Variants in ENKD1 observed in about 807,000 individuals in gnomAD.
ENKD1 encodes enkurin domain-containing protein 1.
A neutral mutation model predicts 35.8 loss-of-function variants in ENKD1; 39 were observed. The ratio of observed to expected loss-of-function variants is 1.09; its 90% CI spans 0.84 to 1.42. ENKD1 has a LOEUF of 1.42. Ranked by LOEUF, ENKD1 falls within the 40% of genes most tolerant of loss-of-function variation. The pLI is 0.00. For missense variants in ENKD1, 474 were observed against 471.3 expected, an observed-to-expected ratio of 1.01 and a Z score of -0.05; for synonymous variants, 205 against 198.6, an observed-to-expected ratio of 1.03 and a Z score of -0.27.
Position 67,666,262 on chromosome 16 carries a change from T to C in ENKD1, c.89A>G (p.Gln30Arg). ...PDNYRRPTSA[Q>R]GRLEGNALKL... Reference sequence around the variant, plus strand: ...CAGCGCGTTTCCCTCGAGGCGCCCTTGAGCTGTGGGGCGGAGCCGGGCGGA... The same window carrying C: ...CAGCGCGTTTCCCTCGAGGCGCCCTCGAGCTGTGGGGCGGAGCCGGGCGGA... Residue 30 changes from glutamine (Q) to arginine (R), a missense_variant, in exon 2 of 7, where the codon CAA becomes CGA. Coordinates refer to ENST00000243878, the MANE Select transcript of ENKD1 (RefSeq NM_032140.3). 2 of 1,604,026 alleles carry C rather than the reference T, an allele frequency of 1.2e-6. No homozygotes were observed. Among genetic ancestry groups the C allele is most frequent in the Non-Finnish European group, 1.7e-6 (2 of 1,175,570 alleles).
chr16:67,663,418 A>G lies in ENKD1; in HGVS notation c.880+2T>C. 1 of 1,612,702 alleles carries G rather than the reference A, an allele frequency of 6.2e-7. No individual in the cohort carries two copies. The highest frequency in any genetic ancestry group is 8.5e-7 in the Non-Finnish European group (1 of 1,179,628). On this transcript the variant is annotated splice_donor_variant, in intron 6 of 6. Coordinates refer to ENST00000243878, the MANE Select transcript of ENKD1 (RefSeq NM_032140.3). LOFTEE classifies it high-confidence loss of function. ...CTCCAGCCTCCCTGCCCAGGTACTCACTCTGGAGCAGCTTGGTCAGTGTTT... is the reference window on the plus strand; with the variant it reads ...CTCCAGCCTCCCTGCCCAGGTACTCGCTCTGGAGCAGCTTGGTCAGTGTTT...
intron 3 of ENKD1, 30 bp from the exon 4 acceptor site, chr16:67,664,092 G>T: frequency 1.3e-6 from 2 of 1,543,246 alleles, no homozygotes; most frequent in Non-Finnish European, 1.8e-6. Context: ...AGAGAGAGCA[G>T]GCAGGCTGAG....
chr16:67,664,575 G>C, intron 3 of ENKD1: 1 of 313,052 alleles, frequency 3.2e-6, no homozygotes, highest in Non-Finnish European at 6.1e-6. Context: ...GAGTCCCTGA[G>C]ACAGAGCCCC....
intron 3 of ENKD1, chr16:67,664,379 T>G: frequency 2.3e-6 from 1 of 440,780 alleles, no homozygotes; most frequent in Non-Finnish European, 4.3e-6. Flanking sequence ...ATCCAGGCGG[T>G]CAATTCCTTG....
In ENKD1 at chr16:67,663,007, G is replaced by T; in HGVS notation, c.*154C>A. On this transcript the variant is annotated 3_prime_UTR_variant, in exon 7 of 7. Transcript: ENST00000243878. ...AAAAGGCTAGGGTGGCCCTTCTGCA[G>T]CCACTGGTGACTGGGAAGAGTGCTC... 1 of 840,552 alleles carries T rather than the reference G, an allele frequency of 1.2e-6. No individual in the cohort carries two copies. Among genetic ancestry groups the T allele is most frequent in the Non-Finnish European group, 1.8e-6 (1 of 555,356 alleles). 52.1% of individuals were successfully genotyped at this position (840,552 alleles called of 1,614,324 possible).
rs745859526 is a variant in ENKD1 at position 67,666,140 on chromosome 16, G to C, written c.211C>G (p.Gln71Glu). The C allele has an allele frequency of 3.7e-6, 6 of 1,612,686 alleles. No individual in the cohort carries two copies. The East Asian group carries it at 1.1e-4, about 30-fold the overall frequency. ...AACAGCACGTCCCCGACGCCGCGCTGGCCGCGCTCCAGGATCTCTCCGGCA... is the reference window on the plus strand; with the variant it reads ...AACAGCACGTCCCCGACGCCGCGCTCGCCGCGCTCCAGGATCTCTCCGGCA... ...PGAGEILERG[Q>E]RGVGDVLLQL... Residue 71 changes from glutamine to glutamate, a missense_variant, in exon 2 of 7, where the codon CAG (glutamine) becomes GAG (glutamate). Transcript: ENST00000243878.
chr16:67,665,771 T>G (rs2053092247), intron 2 of ENKD1, among the ~76,000 whole-genome samples: 1 of 152,232 alleles, frequency 6.6e-6, no homozygotes, highest in African/African-American at 2.4e-5. Context: ...CAGTGATGGC[T>G]CATGCTTATC....
chr16:67,663,283 C>T lies in ENKD1; in HGVS notation c.919G>A (p.Ala307Thr), dbSNP rs771194121. ...TGGGCTCTCAGTGAGTCTGCCCCAG[C>T]AGGCAGCAGTACCAGCTCACGCAGC... ...QLLRELVLLP[A>T]GADSLRAQSH... The change falls in exon 7 of 7, where the codon GCT becomes ACT. Residue 307 changes from alanine (A) to threonine (T), a missense_variant. Transcript: ENST00000243878. 2.5e-6 allele frequency: 4 copies of T among 1,613,772 alleles called. No homozygotes were observed. The highest frequency in any genetic ancestry group is 2.5e-6 in the Non-Finnish European group (3 of 1,180,038).
In ENKD1 at chr16:67,663,058, C is replaced by T; in HGVS notation, c.*103G>A. The T allele has an allele frequency of 7.0e-7, 1 of 1,432,124 alleles. No individual in the cohort carries two copies. The highest frequency in any genetic ancestry group is 9.5e-7 in the Non-Finnish European group (1 of 1,057,776). The allele number at this position is 1,432,124 out of a possible 1,614,324, so 88.7% of individuals were successfully genotyped here. On this transcript the variant is annotated 3_prime_UTR_variant, in exon 7 of 7. Coordinates refer to ENST00000243878, the MANE Select transcript of ENKD1 (RefSeq NM_032140.3). ...TAGGGACACTGGCCACCCCCCTGCT[C>T]CTGTCTTCAGACCTCTGCTCTGGGA... is the stretch of plus-strand genomic sequence containing the variant.
chr16:67,666,187 C>T lies in ENKD1; in HGVS notation c.164G>A (p.Arg55His), dbSNP rs1404587275. The T allele has an allele frequency of 1.2e-6, 2 of 1,611,872 alleles. No homozygotes were observed. Among genetic ancestry groups the T allele is most frequent in the African/African-American group, 1.3e-5 (1 of 74,908 alleles). ...SDRALDTTAP[R>H]GPCIGPGAGE... ...GGCACCGGGACCGATGCAGGGGCCA[C>T]GGGGAGCGGTGGTGTCCAGGGCCCG... The change falls in exon 2 of 7, where the codon CGT becomes CAT. Residue 55 changes from arginine to histidine, a missense_variant. Coordinates refer to ENST00000243878, the MANE Select transcript of ENKD1 (RefSeq NM_032140.3).
rs751776684 is a variant in ENKD1, at chr16:67,663,809, C to A, written c.591G>T (p.Leu197=). The A allele has an allele frequency of 3.1e-6, 5 of 1,605,824 alleles. No homozygotes were observed. Among genetic ancestry groups the A allele is most frequent in the Admixed American group, 3.4e-5 (2 of 59,166 alleles). The change falls in exon 5 of 7, where the codon CTG becomes CTT. Residue 197 remains leucine (L), a synonymous_variant. Transcript: ENST00000243878. ...PPGPEAKEPG[L]GVDFIRHNAR... ...CATTGTGACGAATGAAGTCCACCCC[C>A]AGGCCTGGCTCCTGCAGGACACAGC...
At chr16:67,665,996 G>A in intron 2 of ENKD1, 75 bp downstream of exon 2, 1 of 1,504,624 alleles carries the variant, frequency 6.6e-7, no homozygotes, top group Non-Finnish European at 9.1e-7. Flanking sequence ...ACGTCAGGGT[G>A]GAAAGAGCAG....
intron 4 of ENKD1, 58 bp from the exon 5 acceptor site, chr16:67,663,878 A>ACC: frequency 1.3e-6 from 2 of 1,594,700 alleles, no homozygotes; most frequent in Admixed American, 1.7e-5. Context: ...GTCCCTGAAC[A>ACC]CCCCCCCCAC....
Position 67,663,329 on chromosome 16 carries a change from G to A in ENKD1, c.881-8C>T. 1.9e-6 allele frequency: 3 copies of A among 1,613,376 alleles called. No homozygotes were observed. The highest frequency in any genetic ancestry group is 2.5e-6 in the Non-Finnish European group (3 of 1,180,012). On this transcript the variant is annotated splice_region_variant and splice_polypyrimidine_tract_variant and intron_variant, in intron 6 of 6. Coordinates refer to ENST00000243878, the MANE Select transcript of ENKD1 (RefSeq NM_032140.3). The stretch of plus-strand genomic sequence containing the variant: ...GCAGCAGCTGGCTCTGGCCTACAGG[G>A]GGCCCGGGAACAGTGAGAACAGTGA...
chr16:67,666,675 G>A lies in ENKD1; in HGVS notation c.-233C>T. Reference sequence around the variant, plus strand: ...GTCCCGCTCGCGGCCTCTCCCCCGCGGCACTCGGGCAGGGGCTCACTCGAG... The same window carrying A: ...GTCCCGCTCGCGGCCTCTCCCCCGCAGCACTCGGGCAGGGGCTCACTCGAG... On this transcript the variant is annotated 5_prime_UTR_variant, in exon 1 of 7. Coordinates refer to ENST00000243878, the MANE Select transcript of ENKD1 (RefSeq NM_032140.3). 4.0e-6 allele frequency: 2 copies of A among 504,408 alleles called. No individual in the cohort carries two copies. The highest frequency in any genetic ancestry group is 6.9e-6 in the Non-Finnish European group (2 of 291,490). 31.2% of individuals were successfully genotyped at this position (504,408 alleles called of 1,614,324 possible). A position where few individuals can be genotyped will look rare whatever the true frequency, so the allele number is the denominator to read the frequency against.
rs541216370 is a variant in ENKD1 at position 67,664,168 on chromosome 16, C to T, written c.454-106G>A. ...TTCTGACCTTTGCATCCATGTCCCT[C>T]GGGCCCTCTTCCCTCTTCAAGGGAC... On this transcript the variant is annotated intron_variant, in intron 3 of 6. Transcript: ENST00000243878. The T allele has an allele frequency of 2.3e-4, 229 of 999,024 alleles. No homozygotes were observed. The African/African-American group carries it at 2.8e-3, about 12-fold the overall frequency. The allele number at this position is 999,024 out of a possible 1,614,324, so 61.9% of individuals were successfully genotyped here. A position where few individuals can be genotyped will look rare whatever the true frequency, so the allele number is the denominator to read the frequency against.
intron 3 of ENKD1, 63 bp from the exon 4 acceptor site, chr16:67,664,125 C>T: frequency 6.8e-7 from 1 of 1,470,026 alleles, no homozygotes; most frequent in Non-Finnish European, 9.3e-7. Flanking sequence ...AGCTGCAAGA[C>T]CCTGGCCATC....
intron 2 of ENKD1, 68 bp downstream of exon 2, chr16:67,666,003 G>A (rs1297879895): frequency 2.6e-6 from 4 of 1,530,314 alleles, no homozygotes; most frequent in Admixed American, 1.9e-5. Flanking sequence ...GGTGGAAAGA[G>A]CAGCTGCTTT....
At chr16:67,663,634 G>A in intron 5 of ENKD1, 23 bp downstream of exon 5, 1 of 1,605,786 alleles carries the variant, frequency 6.2e-7, no homozygotes, top group Non-Finnish European at 8.5e-7. Flanking sequence ...CCTTCACCCT[G>A]AGTGTCGGGC....
Sources: allele counts gnomAD v4.1 joint callset (sites outside exome capture counted in the v4.1 genomes callset), GRCh38; gene constraint gnomAD v4.1.1; transcripts MANE v1.5; gene names NCBI Gene and HGNC (gene_info 2026-07-23, HGNC 2026-07-21).